Variants in ATG16L1 observed in about 807,000 individuals in gnomAD.
ATG16L1 encodes the protein autophagy related 16 like 1, also known as autophagy-related protein 16-1.
In ATG16L1, 37 loss-of-function variants were observed where a neutral mutation model predicts 88.5. The ratio of observed to expected loss-of-function variants is 0.42; its 90% confidence interval spans 0.32 to 0.55. The LOEUF (loss-of-function observed/expected upper bound fraction) is 0.55. Ranked by LOEUF, ATG16L1 falls within the 20% of genes least tolerant of loss-of-function variation. The pLI, the probability that ATG16L1 is intolerant of heterozygous loss-of-function variation, is 0.13. For synonymous variants in ATG16L1, 301 were observed against 281.0 expected (o/e 1.07, Z -0.71); for missense variants, 554 against 752.8 (o/e 0.74, Z 3.09).
chr2:233,262,950 C>G (rs1342573530), intron 2 of ATG16L1, among the ~76,000 whole-genome samples, 180 bp from the exon 3 acceptor site: 2 of 152,170 alleles, frequency 1.3e-5, no homozygotes, highest in African/African-American at 4.8e-5. Context: ...TTTCATGTCT[C>G]CTCCTTTCCA....
chr2:233,252,914 G>C (rs1341160407), intron 1 of ATG16L1, among the ~76,000 whole-genome samples: 1 of 152,200 alleles, frequency 6.6e-6, no homozygotes, highest in Non-Finnish European at 1.5e-5. Flanking sequence ...ATGATATTCA[G>C]AATAATAATT....
Position 233,254,536 on chromosome 2 carries a change from A to G in ATG16L1, c.116-1566A>G, listed in dbSNP as rs3792114. Among the ~76,000 whole-genome samples, 197 of 152,268 alleles carry G rather than the reference A, an allele frequency of 1.3e-3. 3 individuals carry two copies. In the East Asian group the frequency reaches 0.035, roughly 27 times the overall value. ...GGAAAGAAGCCGTAGGGGGAGGGAA[A>G]GGCTTCCCTCCATCTCCAGCCTTCT... On this transcript the variant is annotated intron_variant, in intron 1 of 17. Transcript: ENST00000392017.
intron 6 of ATG16L1, among the ~76,000 whole-genome samples, chr2:233,271,193 A>G (rs1161379740): frequency 1.3e-5 from 2 of 152,248 alleles, no homozygotes; most frequent in South Asian, 2.1e-4. Flanking sequence ...TAATTTAGAC[A>G]GGTTGAGCAT....
intron 5 of ATG16L1, 21 bp downstream of exon 5, chr2:233,265,164 TA>T: frequency 6.2e-7 from 1 of 1,612,878 alleles, no homozygotes; most frequent in Non-Finnish European, 8.5e-7. Context: ...AATCCACAGT[TA>T]GTGGTTTCCA....
chr2:233,273,282 T>C, intron 7 of ATG16L1: 1 of 540,926 alleles, frequency 1.8e-6, no homozygotes. Flanking sequence ...TACAAAAAAA[T>C]GTAGTGGCTT....
chr2:233,293,749 CCA>C (rs1313783294), intron 17 of ATG16L1, among the ~76,000 whole-genome samples: 1 of 152,122 alleles, frequency 6.6e-6, no homozygotes, highest in Non-Finnish European at 1.5e-5. Flanking sequence ...ACACTGATCT[CCA>C]CACACCTTCT....
rs546248972 is a variant in ATG16L1, at chr2:233,256,960, C to T, written c.209+765C>T. 3.0e-3 allele frequency among the ~76,000 whole-genome samples: 457 copies of T among 152,240 alleles called. 4 individuals carry two copies. The highest frequency in any genetic ancestry group is 3.6e-3 in the Non-Finnish European group (244 of 68,014). ...CAAATGATCCACCTACCTCAGCTTCCGAAAGTGTTGGGATTACAGGCGTGA... is the reference window on the plus strand; with the variant it reads ...CAAATGATCCACCTACCTCAGCTTCTGAAAGTGTTGGGATTACAGGCGTGA... On this transcript the variant is annotated intron_variant, in intron 2 of 17. Coordinates refer to ENST00000392017, the MANE Select transcript of ATG16L1 (RefSeq NM_030803.7).
intron 7 of ATG16L1, chr2:233,273,373 TC>T (rs919034347): frequency 8.2e-6 from 4 of 490,642 alleles, no homozygotes; most frequent in East Asian, 3.4e-5. Context: ...TACTAGGGCT[TC>T]CCCCCGCCCG....
chr2:233,274,044 G>A (rs974484114), intron 8 of ATG16L1: 22 of 1,550,198 alleles, frequency 1.4e-5, no homozygotes, highest in East Asian at 2.4e-5. Context: ...GCTGCCAGGT[G>A]AAACTATTAT....
intron 2 of ATG16L1, among the ~76,000 whole-genome samples, chr2:233,262,145 G>T (rs995550391): frequency 5.9e-5 from 9 of 152,086 alleles, no homozygotes; most frequent in African/African-American, 2.2e-4. Flanking sequence ...ATTCATCCTT[G>T]ACTCCTATCT....
chr2:233,263,202 G>A lies in ATG16L1; in HGVS notation c.282G>A (p.Glu94=). The change falls in exon 3 of 18, where the codon GAG becomes GAA. Residue 94 remains glutamate (E), a synonymous_variant. Transcript: ENST00000392017. ...CCCAACTGAGGATTAAGCACCAAGAGGAACTGACTGAATTACACAAGAAAC... is the reference window on the plus strand; with the variant it reads ...CCCAACTGAGGATTAAGCACCAAGAAGAACTGACTGAATTACACAAGAAAC... ...EMAQLRIKHQ[E]ELTELHKKRG... 6.2e-7 allele frequency: 1 copy of A among 1,614,106 alleles called. No individual in the cohort carries two copies. The highest frequency in any genetic ancestry group is 8.5e-7 in the Non-Finnish European group (1 of 1,180,024).
chr2:233,293,844 G>A (rs1699633571), intron 17 of ATG16L1, among the ~76,000 whole-genome samples: 2 of 152,118 alleles, frequency 1.3e-5, no homozygotes, highest in Admixed American at 6.5e-5. Flanking sequence ...CTGCTAGTTG[G>A]AACCCAGATA....
chr2:233,264,381 G>A (rs2125225183), intron 4 of ATG16L1, among the ~76,000 whole-genome samples: 1 of 152,298 alleles, frequency 6.6e-6, no homozygotes, highest in South Asian at 2.1e-4. Context: ...GAGGTGGTAG[G>A]GCCAGGATAG....
intron 12 of ATG16L1, among the ~76,000 whole-genome samples, chr2:233,286,521 G>C (rs959880278): frequency 6.6e-6 from 1 of 151,774 alleles, no homozygotes; most frequent in Admixed American, 6.6e-5. Context: ...AATGCCTGTA[G>C]GAGGCCCAGC....
rs554871739 is a variant in ATG16L1, at chr2:233,267,016, A to T, written c.641+1873A>T. 2.6e-5 allele frequency among the ~76,000 whole-genome samples: 4 copies of T among 152,268 alleles called. No homozygotes were observed. In the South Asian group the frequency reaches 8.3e-4, roughly 32 times the overall value. On this transcript the variant is annotated intron_variant, in intron 5 of 17. Transcript: ENST00000392017. ...AGGTTAAAGAGAGATTACTTAATGGATACAAAAATACTGTAAATGGATATA... is the reference window on the plus strand; with the variant it reads ...AGGTTAAAGAGAGATTACTTAATGGTTACAAAAATACTGTAAATGGATATA...
At chr2:233,264,125 C>G in intron 4 of ATG16L1, 60 bp downstream of exon 4, 1 of 1,578,922 alleles carries the variant, frequency 6.3e-7, no homozygotes, top group Non-Finnish European at 8.7e-7. Flanking sequence ...CTTTGTTCTG[C>G]TGACCTCTTG....
intron 9 of ATG16L1, chr2:233,275,462 C>T (rs1698282502): frequency 2.9e-6 from 1 of 345,928 alleles, no homozygotes; most frequent in South Asian, 2.3e-5. Flanking sequence ...TAATAACTGG[C>T]AGCGGGTAAG....
At chr2:233,291,864 C>T (rs530822055) in intron 14 of ATG16L1, among the ~76,000 whole-genome samples, 7 of 152,302 alleles carry the variant, frequency 4.6e-5, no homozygotes, top group African/African-American at 1.2e-4. Flanking sequence ...GATCAGAAAC[C>T]GATGGGCGAT....
intron 4 of ATG16L1, among the ~76,000 whole-genome samples, chr2:233,264,443 T>C (rs1023977196): frequency 6.6e-6 from 1 of 152,134 alleles, no homozygotes; most frequent in African/African-American, 2.4e-5. Flanking sequence ...GCAAAACTGT[T>C]GCTGACCAGG....
Sources: allele counts gnomAD v4.1 joint callset (sites outside exome capture counted in the v4.1 genomes callset), GRCh38; gene constraint gnomAD v4.1.1; transcripts MANE v1.5; gene names NCBI Gene and HGNC (gene_info 2026-07-23, HGNC 2026-07-21).